The following RAB36 variants were observed in gnomAD, a reference collection of about 807,000 sequenced individuals.
The protein encoded by RAB36 is RAB36, member RAS oncogene family.
RAB36 carries 33 observed loss-of-function variants against 39.3 expected under a neutral mutation model. The ratio of observed to expected loss-of-function variants is 0.84; its 90% CI spans 0.64 to 1.12. RAB36 has a LOEUF of 1.12. Ranked by LOEUF, RAB36 falls within the 50% of genes most tolerant of loss-of-function variation. The pLI, the probability that RAB36 is intolerant of heterozygous loss-of-function variation, is 0.00. For synonymous variants in RAB36, 133 were observed against 140.2 expected, an observed-to-expected ratio of 0.95 and a Z score of 0.36; for missense variants, 308 against 355.3, an observed-to-expected ratio of 0.87 and a Z score of 1.07.
chr22:23,167,862 A>T (rs199679283), downstream of RAB36, among the ~76,000 whole-genome samples: 2 of 151,074 alleles, frequency 1.3e-5, no homozygotes, highest in East Asian at 3.9e-4. Context: ...ACTAATTCTC[A>T]TTTTTTTTGA....
At position 23,161,587 on chromosome 22, in the gene RAB36, C is replaced by T; in HGVS notation, c.*23C>T. ...TAACTGGGGCCTGCGTGGAAGGCCT[C>T]CGCTCCCTGCACACACACGGACAGG... On this transcript the variant is annotated 3_prime_UTR_variant, in exon 11 of 11. Transcript: ENST00000263116. The T allele has an allele frequency of 6.4e-7, 1 of 1,565,078 alleles. No individual in the cohort carries two copies. Among genetic ancestry groups the T allele is most frequent in the Non-Finnish European group, 8.7e-7 (1 of 1,145,416 alleles).
intron 2 of RAB36, among the ~76,000 whole-genome samples, chr22:23,147,168 C>T (rs140528999): frequency 1.4e-3 from 212 of 152,224 alleles, no homozygotes; most frequent in African/African-American, 5.0e-3. Flanking sequence ...CTTGCCATTC[C>T]GCCTCTATGA....
intron 5 of RAB36, chr22:23,153,398 C>T (rs1230267949): frequency 4.4e-6 from 1 of 225,280 alleles, no homozygotes; most frequent in Non-Finnish European, 7.4e-6. Flanking sequence ...TCCCCAATGC[C>T]CACCCCACTC....
At chr22:23,157,357 TCTC>T (rs1223260011) in intron 6 of RAB36, among the ~76,000 whole-genome samples, 2 of 151,752 alleles carry the variant, frequency 1.3e-5, no homozygotes, top group African/African-American at 2.4e-5. Flanking sequence ...TTCACAACAT[TCTC>T]CTCCCTCAGC....
At position 23,163,154 on chromosome 22, in the gene RAB36, G is replaced by A; in HGVS notation, c.*1590G>A. 6.0e-6 allele frequency: 1 copy of A among 167,932 alleles called. No individual in the cohort carries two copies. The highest frequency in any genetic ancestry group is 1.3e-5 in the Non-Finnish European group (1 of 78,230). 10.4% of individuals were successfully genotyped at this position (167,932 alleles called of 1,614,324 possible). On this transcript the variant is annotated 3_prime_UTR_variant, in exon 11 of 11. Transcript: ENST00000263116. Reference sequence around the variant, plus strand: ...TCGGACTCCTGATCTCAGGTGACCTGCCCACCTCGGCCTCCCGAAGTGCTG... The same window carrying A: ...TCGGACTCCTGATCTCAGGTGACCTACCCACCTCGGCCTCCCGAAGTGCTG...
At chr22:23,161,338 G>A (rs1422898597) in intron 10 of RAB36, among the ~76,000 whole-genome samples, 162 bp from the exon 11 acceptor site, 1 of 152,168 alleles carries the variant, frequency 6.6e-6, no homozygotes, top group East Asian at 1.9e-4. Context: ...CTGTTCCAGT[G>A]CCTGGAAGGC....
chr22:23,151,140 G>T (rs1395378218), intron 3 of RAB36, among the ~76,000 whole-genome samples: 1 of 152,234 alleles, frequency 6.6e-6, no homozygotes, highest in Non-Finnish European at 1.5e-5. Context: ...GCAGCTAGAG[G>T]TTCCCAAACT....
rs117404768 is a variant in RAB36, at chr22:23,157,344, G to A, written c.395-648G>A. Reference sequence around the variant, plus strand: ...CGGCTCACTGCAAGCTCCGCCTCCCGCATTCACAACATTCTCCTCCCTCAG... The same window carrying A: ...CGGCTCACTGCAAGCTCCGCCTCCCACATTCACAACATTCTCCTCCCTCAG... On this transcript the variant is annotated intron_variant, in intron 6 of 10. Coordinates refer to ENST00000263116, the MANE Select transcript of RAB36 (RefSeq NM_004914.5). 7.6e-3 allele frequency among the ~76,000 whole-genome samples: 1,147 copies of A among 151,530 alleles called. 6 individuals carry two copies. Among genetic ancestry groups the A allele is most frequent in the Non-Finnish European group, 0.011 (751 of 67,948 alleles).
rs759474597 is a variant in RAB36 at position 23,150,104 on chromosome 22, C to G, written c.111C>G (p.Phe37Leu). Reference sequence around the variant, plus strand: ...CCTGTTTGCAGCTCAGGGAGCACTTCCACGGGCAGGTCAGCGCTGCCTGCC... The same window carrying G: ...CCTGTTTGCAGCTCAGGGAGCACTTGCACGGGCAGGTCAGCGCTGCCTGCC... ...PEACLQLREH[F>L]HGQVSAACQR... The change falls in exon 3 of 11, where the codon TTC becomes TTG. Residue 37 changes from phenylalanine (F) to leucine (L), a missense_variant. Phe to Leu is a conservative substitution (Grantham distance 22, BLOSUM62 0). Coordinates refer to ENST00000263116, the MANE Select transcript of RAB36 (RefSeq NM_004914.5). 6 of 1,612,580 alleles carry G rather than the reference C, an allele frequency of 3.7e-6. No individual in the cohort carries two copies. In the South Asian group the frequency reaches 4.4e-5, roughly 12 times the overall value.
At chr22:23,151,995 G>A (rs1186989764) in intron 3 of RAB36, among the ~76,000 whole-genome samples, 1 of 152,214 alleles carries the variant, frequency 6.6e-6, no homozygotes. Flanking sequence ...AGCCCACATC[G>A]GCGCACAGCC....
intron 5 of RAB36, 39 bp downstream of exon 5, chr22:23,153,173 C>T (rs747476016): frequency 2.7e-6 from 4 of 1,460,438 alleles, no homozygotes; most frequent in Admixed American, 1.7e-5. Context: ...GGGCAGCTTC[C>T]TACAGGCACC....
Position 23,150,144 on chromosome 22 carries a change from G to A in RAB36, c.151G>A (p.Gly51Arg), listed in dbSNP as rs2071022343. ...VSAACQRRNTGTVGLKLSKVV... is the reference protein window; with the variant it reads ...VSAACQRRNTRTVGLKLSKVV... ...CGCTGCCTGCCAACGCAGGAACACG[G>A]GGACTGTCGGGTGAGCCTGCAGGGT... is the stretch of plus-strand genomic sequence containing the variant. Residue 51 changes from glycine to arginine, a missense_variant, in exon 3 of 11, where the codon GGG becomes AGG. Coordinates refer to ENST00000263116, the MANE Select transcript of RAB36 (RefSeq NM_004914.5). 1 of 1,611,310 alleles carries A rather than the reference G, an allele frequency of 6.2e-7. No homozygotes were observed. Among genetic ancestry groups the A allele is most frequent in the African/African-American group, 1.3e-5 (1 of 75,018 alleles).
In RAB36 at chr22:23,164,674, G is replaced by A. The variant is rs1300528779; in HGVS notation, c.*3110G>A. On this transcript the variant is annotated 3_prime_UTR_variant, in exon 11 of 11. Coordinates refer to ENST00000263116, the MANE Select transcript of RAB36 (RefSeq NM_004914.5). ...CCCCCTGCAGCCAAGGTGCGGCAAT[G>A]ACCACAGTGACCGCGTCCAAGTGCT... 6.6e-6 allele frequency among the ~76,000 whole-genome samples: 1 copy of A among 152,190 alleles called. No homozygotes were observed. The highest frequency in any genetic ancestry group is 2.4e-5 in the African/African-American group (1 of 41,446).
At chr22:23,148,749 T>C (rs1354263482) in intron 2 of RAB36, among the ~76,000 whole-genome samples, 1 of 152,196 alleles carries the variant, frequency 6.6e-6, no homozygotes, top group African/African-American at 2.4e-5. Flanking sequence ...CTTCTTACCC[T>C]GCAGCCTTCA....
At position 23,165,284 on chromosome 22, in the gene RAB36, C is replaced by T. The variant is rs752978596; in HGVS notation, c.*3720C>T. Among the ~76,000 whole-genome samples the T allele has an allele frequency of 4.6e-5, 7 of 152,226 alleles. No homozygotes were observed. Among genetic ancestry groups the T allele is most frequent in the Admixed American group, 6.5e-5 (1 of 15,284 alleles). On this transcript the variant is annotated 3_prime_UTR_variant, in exon 11 of 11. Transcript: ENST00000263116. ...GCACTCTGACCCAGATGCCACCACA[C>T]GAAACTTACACCTGCCTGGGGAACA... is the stretch of plus-strand genomic sequence containing the variant.
chr22:23,151,796 C>T (rs1443728647), intron 3 of RAB36, among the ~76,000 whole-genome samples: 1 of 152,210 alleles, frequency 6.6e-6, no homozygotes, highest in African/African-American at 2.4e-5. Context: ...GGCGGCTGCT[C>T]TTGGGGAACA....
chr22:23,162,447 A>G lies in RAB36; in HGVS notation c.*883A>G. 2.8e-6 allele frequency: 1 copy of G among 358,322 alleles called. No individual in the cohort carries two copies. The highest frequency in any genetic ancestry group is 5.6e-6 in the Non-Finnish European group (1 of 178,430). The allele number at this position is 358,322 out of a possible 1,614,324, so 22.2% of individuals were successfully genotyped here. On this transcript the variant is annotated 3_prime_UTR_variant, in exon 11 of 11. Transcript: ENST00000263116. ...GGCCTGTGCCCACTGCTGCCTCTCC[A>G]TCCCTCTCTCATTGGCCTATACATC...
upstream of RAB36, chr22:23,145,337 G>T: frequency 7.3e-7 from 1 of 1,378,878 alleles, no homozygotes; most frequent in Non-Finnish European, 9.6e-7. Context: ...TGCCAGCCCC[G>T]CCCAGACTCC....
chr22:23,150,788 A>T (rs1275995406), intron 3 of RAB36, among the ~76,000 whole-genome samples: 1 of 152,024 alleles, frequency 6.6e-6, no homozygotes. Context: ...CAGCGTGTCA[A>T]GTCCTCTGGG....
Sources: gnomAD v4.1 joint callset for allele counts (sites outside exome capture counted in the v4.1 genomes callset) on GRCh38, gnomAD v4.1.1 for gene constraint, MANE v1.5 for transcripts, NCBI Gene and HGNC (gene_info 2026-07-23, HGNC 2026-07-21) for gene names.